Variants in VWC2L observed in about 807,000 individuals in gnomAD.
VWC2L encodes von Willebrand factor C domain-containing protein 2-like.
In VWC2L, 10 loss-of-function variants were observed where a neutral mutation model predicts 21.6. The ratio of observed to expected loss-of-function variants is 0.46; its 90% CI spans 0.29 to 0.78. The LOEUF is 0.78. VWC2L is among the 30% of genes least tolerant of loss of function. The pLI, the probability that VWC2L is intolerant of heterozygous loss-of-function variation, is 0.10. For missense variants in VWC2L, 209 were observed against 277.1 expected (o/e 0.75, Z 1.74); for synonymous variants, 96 against 94.3 (o/e 1.02, Z -0.10).
intron 3 of VWC2L, among the ~76,000 whole-genome samples, chr2:214,538,501 T>G (rs1429723393): frequency 6.6e-6 from 1 of 151,928 alleles, no homozygotes; most frequent in Non-Finnish European, 1.5e-5. Context: ...TGGATAAAAA[T>G]TTTCTAACTA....
chr2:214,482,665 T>TA (rs1559304215), intron 3 of VWC2L, among the ~76,000 whole-genome samples: 16 of 145,788 alleles, frequency 1.1e-4, no homozygotes, highest in African/African-American at 2.6e-4. Context: ...ATATATATAT[T>TA]TTTTTTTCTT....
intron 3 of VWC2L, among the ~76,000 whole-genome samples, chr2:214,541,912 GT>G (rs60542340): frequency 6.7e-4 from 99 of 148,268 alleles, no homozygotes; most frequent in Middle Eastern, 3.4e-3. Flanking sequence ...ACTGTTTACT[GT>G]TTTTTTTTTT....
At chr2:214,464,178 G>T (rs890058083) in intron 3 of VWC2L, among the ~76,000 whole-genome samples, 18 of 151,998 alleles carry the variant, frequency 1.2e-4, no homozygotes, top group African/African-American at 4.3e-4. Context: ...ATTTGTTGAG[G>T]TCATGTTATC....
intron 2 of VWC2L, among the ~76,000 whole-genome samples, chr2:214,435,760 C>A (rs1220992351): frequency 2.6e-5 from 4 of 152,072 alleles, no homozygotes; most frequent in Non-Finnish European, 5.9e-5. Flanking sequence ...AACTGCTGTT[C>A]CATGAGAAAA....
At chr2:214,489,776 T>C (rs531996254) in intron 3 of VWC2L, among the ~76,000 whole-genome samples, 1 of 152,338 alleles carries the variant, frequency 6.6e-6, no homozygotes, top group South Asian at 2.1e-4. Flanking sequence ...TTGTTTCTTG[T>C]CAATTGGTGT....
At chr2:214,560,422 T>G (rs1689948458) in intron 3 of VWC2L, among the ~76,000 whole-genome samples, 1 of 152,196 alleles carries the variant, frequency 6.6e-6, no homozygotes, top group East Asian at 1.9e-4. Flanking sequence ...ACAAGTGTAC[T>G]CCATGTCCCA....
At position 214,432,085 on chromosome 2, in the gene VWC2L, A is replaced by T. The variant is rs1459006248; in HGVS notation, c.391-4544A>T. Among the ~76,000 whole-genome samples the T allele has an allele frequency of 2.0e-5, 3 of 152,248 alleles. No individual in the cohort carries two copies. In the East Asian group the frequency reaches 5.8e-4, roughly 29 times the overall value. ...CATTATAATATTTAAATAAAATACA[A>T]ACATCTCATTGACTCAAAATCATTT... On this transcript the variant is annotated intron_variant, in intron 2 of 3. Transcript: ENST00000312504.
At chr2:214,564,190 C>T (rs1001514439) in intron 3 of VWC2L, among the ~76,000 whole-genome samples, 3 of 152,184 alleles carry the variant, frequency 2.0e-5, no homozygotes, top group Admixed American at 6.5e-5. Flanking sequence ...AATGAGAAAA[C>T]ATTCCATGCC....
intron 3 of VWC2L, among the ~76,000 whole-genome samples, chr2:214,459,735 G>C (rs1703111168): frequency 6.6e-6 from 1 of 151,980 alleles, no homozygotes; most frequent in Non-Finnish European, 1.5e-5. Flanking sequence ...CTGGGTATAG[G>C]ATTCTTCATT....
intron 3 of VWC2L, among the ~76,000 whole-genome samples, chr2:214,480,368 G>A (rs1688585651): frequency 6.6e-6 from 1 of 152,164 alleles, no homozygotes; most frequent in African/African-American, 2.4e-5. Context: ...AAGTTTCCAT[G>A]TCTGCATGAT....
At chr2:214,561,041 G>A (rs1308063344) in intron 3 of VWC2L, among the ~76,000 whole-genome samples, 1 of 152,194 alleles carries the variant, frequency 6.6e-6, no homozygotes, top group Non-Finnish European at 1.5e-5. Flanking sequence ...GGTTTCCAAT[G>A]TTAGGGTTTT....
At chr2:214,468,378 T>C (rs1317714424) in intron 3 of VWC2L, among the ~76,000 whole-genome samples, 2 of 152,182 alleles carry the variant, frequency 1.3e-5, no homozygotes, top group African/African-American at 4.8e-5. Context: ...AAATGTGAAA[T>C]GCTGTTCCAA....
At chr2:214,574,883 CAG>C (rs1416690727) in intron 3 of VWC2L, among the ~76,000 whole-genome samples, 1 of 151,586 alleles carries the variant, frequency 6.6e-6, no homozygotes, top group Non-Finnish European at 1.5e-5. Flanking sequence ...GAGGGAAAGA[CAG>C]AAAAAATTTT....
intron 1 of VWC2L, among the ~76,000 whole-genome samples, chr2:214,413,129 C>T (rs1320502661): frequency 6.6e-6 from 1 of 152,048 alleles, no homozygotes; most frequent in Non-Finnish European, 1.5e-5. Context: ...CACTTAATTA[C>T]AGTTTTAAGC....
chr2:214,532,136 T>C (rs1482840170), intron 3 of VWC2L, among the ~76,000 whole-genome samples: 1 of 152,120 alleles, frequency 6.6e-6, no homozygotes, highest in Non-Finnish European at 1.5e-5. Flanking sequence ...TGAAAAAACC[T>C]GCTTCATTAG....
chr2:214,506,466 C>A (rs1027342178), intron 3 of VWC2L, among the ~76,000 whole-genome samples: 1 of 152,148 alleles, frequency 6.6e-6, no homozygotes, highest in Admixed American at 6.5e-5. Context: ...AATCTTAATT[C>A]CCAGTGTTTG....
chr2:214,573,250 C>CACACACAT (rs1427616135), intron 3 of VWC2L, among the ~76,000 whole-genome samples: 2 of 152,140 alleles, frequency 1.3e-5, no homozygotes, highest in Non-Finnish European at 2.9e-5. Flanking sequence ...CATACACACA[C>CACACACAT]ACACACATAC....
chr2:214,457,656 C>A (rs1293573475), intron 3 of VWC2L, among the ~76,000 whole-genome samples: 1 of 152,046 alleles, frequency 6.6e-6, no homozygotes, highest in African/African-American at 2.4e-5. Flanking sequence ...TATGTTGAGA[C>A]ATGTTCCAAG....
At position 214,576,610 on chromosome 2, in the gene VWC2L, A is replaced by G. The variant is rs1429420297; in HGVS notation, c.*790A>G. On this transcript the variant is annotated 3_prime_UTR_variant, in exon 4 of 4. Coordinates refer to ENST00000312504, the MANE Select transcript of VWC2L (RefSeq NM_001080500.4). ...GACAGATCTTTAAAATTGTAGCATT[A>G]ATCATCAGACTTTTTCATGATGTGA... 6.6e-6 allele frequency: 1 copy of G among 152,224 alleles called. No individual in the cohort carries two copies. Among genetic ancestry groups the G allele is most frequent in the Non-Finnish European group, 1.5e-5 (1 of 68,030 alleles). 9.4% of individuals were successfully genotyped at this position (152,224 alleles called of 1,614,324 possible). A position where few individuals can be genotyped will look rare whatever the true frequency, so the allele number is the denominator to read the frequency against.
Sources: allele counts gnomAD v4.1 joint callset (sites outside exome capture counted in the v4.1 genomes callset), GRCh38; gene constraint gnomAD v4.1.1; transcripts MANE v1.5; gene names NCBI Gene and HGNC (gene_info 2026-07-23, HGNC 2026-07-21).